The following AK5 variants were observed in gnomAD, a reference collection of about 807,000 sequenced individuals.
AK5 encodes the protein adenylate kinase isoenzyme 5.
A neutral mutation model predicts 69.5 loss-of-function variants in AK5; 27 were observed. That is an observed-to-expected ratio of 0.39 (90% CI 0.29 to 0.54). The LOEUF (loss-of-function observed/expected upper bound fraction) is 0.54. AK5 is among the 20% of genes least tolerant of loss of function. AK5 has a pLI of 0.71. For missense variants in AK5, 531 were observed against 700.4 expected (o/e 0.76, Z 2.73); for synonymous variants, 260 against 244.4 (o/e 1.06, Z -0.60).
Position 77,518,631 on chromosome 1 carries a change from C to T in AK5, c.1215C>T (p.Leu405=). The part of the protein sequence containing the change: ...KLVEKYGFTH[L]STGELLREEL... ...TGGAAAAATATGGATTTACACATCT[C>T]TCAACTGGCGAGCTCCTGCGTGAGG... Residue 405 remains leucine (L), a synonymous_variant, in exon 11 of 14, where the codon CTC becomes CTT. Transcript: ENST00000354567. 1 of 1,614,204 alleles carries T rather than the reference C, an allele frequency of 6.2e-7. No homozygotes were observed. The highest frequency in any genetic ancestry group is 8.5e-7 in the Non-Finnish European group (1 of 1,180,030).
At chr1:77,550,627 A>G (rs1379496695) in intron 13 of AK5, among the ~76,000 whole-genome samples, 2 of 152,236 alleles carry the variant, frequency 1.3e-5, no homozygotes, top group Non-Finnish European at 2.9e-5. Context: ...AAGCACGAAG[A>G]AAAGTTCCTG....
chr1:77,410,689 C>A (rs1297925518), intron 6 of AK5, among the ~76,000 whole-genome samples: 1 of 152,074 alleles, frequency 6.6e-6, no homozygotes, highest in Non-Finnish European at 1.5e-5. Context: ...AGTCAGAAAG[C>A]CACAAGATAA....
intron 11 of AK5, 45 bp from the exon 12 acceptor site, chr1:77,521,782 T>C (rs1457464812): frequency 1.4e-6 from 2 of 1,443,646 alleles, no homozygotes; most frequent in South Asian, 1.1e-5. Context: ...ACTTCTAGTG[T>C]TCTGTGAAAG....
At chr1:77,493,155 G>C (rs751745418) in intron 10 of AK5, among the ~76,000 whole-genome samples, 4 of 152,174 alleles carry the variant, frequency 2.6e-5, no homozygotes, top group Non-Finnish European at 5.9e-5. Context: ...TTCCAGAAGA[G>C]ATTGGCATTT....
At chr1:77,506,986 G>C (rs1349587659) in intron 10 of AK5, among the ~76,000 whole-genome samples, 1 of 151,766 alleles carries the variant, frequency 6.6e-6, no homozygotes, top group Non-Finnish European at 1.5e-5. Flanking sequence ...GTAAGAGGTT[G>C]AGACTCAGTC....
chr1:77,328,920 G>C (rs1233378290), intron 5 of AK5, among the ~76,000 whole-genome samples: 1 of 152,194 alleles, frequency 6.6e-6, no homozygotes, highest in Non-Finnish European at 1.5e-5. Flanking sequence ...AGCCTAAGAG[G>C]CTGTTGCCAG....
intron 6 of AK5, among the ~76,000 whole-genome samples, chr1:77,409,371 T>C (rs1649881964): frequency 6.6e-6 from 1 of 152,110 alleles, no homozygotes; most frequent in Non-Finnish European, 1.5e-5. Context: ...TAATTTACAC[T>C]CCCACCAACA....
intron 6 of AK5, among the ~76,000 whole-genome samples, chr1:77,381,125 T>C (rs1051120042): frequency 1.3e-5 from 2 of 152,210 alleles, no homozygotes; most frequent in Non-Finnish European, 2.9e-5. Flanking sequence ...ACCTAGCATG[T>C]AATGGAATTA....
intron 12 of AK5, among the ~76,000 whole-genome samples, chr1:77,530,691 GAGTCAAAT>G (rs1407972031): frequency 6.6e-6 from 1 of 152,130 alleles, no homozygotes; most frequent in African/African-American, 2.4e-5. Flanking sequence ...ATAGTCCTGT[GAGTCAAAT>G]ACTATTATTA....
At chr1:77,464,707 C>T (rs1373887402) in intron 8 of AK5, among the ~76,000 whole-genome samples, 4 of 151,996 alleles carry the variant, frequency 2.6e-5, no homozygotes, top group African/African-American at 7.2e-5. Flanking sequence ...GTGTAAAGTC[C>T]CTGGCAGCCT....
intron 13 of AK5, among the ~76,000 whole-genome samples, chr1:77,545,716 T>G (rs925690566): frequency 1.3e-5 from 2 of 152,212 alleles, no homozygotes; most frequent in African/African-American, 4.8e-5. Flanking sequence ...TCCTTGATGC[T>G]TAGCCTCTTT....
At chr1:77,336,272 G>A (rs990990897) in intron 5 of AK5, among the ~76,000 whole-genome samples, 2 of 151,934 alleles carry the variant, frequency 1.3e-5, no homozygotes, top group Non-Finnish European at 2.9e-5. Context: ...AGTGGAGACA[G>A]GGTTTCACCA....
chr1:77,464,829 C>T (rs1032377848), intron 8 of AK5, among the ~76,000 whole-genome samples: 1 of 151,770 alleles, frequency 6.6e-6, no homozygotes, highest in South Asian at 2.1e-4. Flanking sequence ...AATTATTAGG[C>T]CAAAAGAGAT....
intron 8 of AK5, among the ~76,000 whole-genome samples, chr1:77,482,818 A>G (rs564747080): frequency 1.3e-5 from 2 of 151,832 alleles, no homozygotes; most frequent in South Asian, 2.1e-4. Context: ...GTTGCTCACA[A>G]TGATGAAAAT....
At chr1:77,352,863 C>G (rs1430099822) in intron 6 of AK5, among the ~76,000 whole-genome samples, 1 of 152,096 alleles carries the variant, frequency 6.6e-6, no homozygotes. Flanking sequence ...TATTTGGCAG[C>G]TTCTGATAGG....
In AK5 at chr1:77,368,027, A is replaced by T. The variant is rs1323329636; in HGVS notation, c.891+27459A>T. 3.9e-5 allele frequency among the ~76,000 whole-genome samples: 5 copies of T among 129,702 alleles called. No individual in the cohort carries two copies. In the East Asian group the frequency reaches 1.1e-3, roughly 28 times the overall value. 85.1% of individuals were successfully genotyped at this position (129,702 alleles called of 152,430 possible). ...ATTCACAGGTAGACCGTTGACTTTT[A>T]ACAATGATGGGTGAAGGCTAATATG... On this transcript the variant is annotated intron_variant, in intron 6 of 13. Transcript: ENST00000354567.
intron 10 of AK5, among the ~76,000 whole-genome samples, chr1:77,491,463 C>T (rs1044931424): frequency 3.9e-5 from 6 of 152,082 alleles, no homozygotes; most frequent in South Asian, 2.1e-4. Flanking sequence ...CCTGCCATGG[C>T]GCCCGGCTAA....
At chr1:77,475,406 TG>T (rs5775404) in intron 8 of AK5, among the ~76,000 whole-genome samples, 49,357 of 69,926 alleles carry the variant, frequency 0.71, 14,718 homozygotes, top group Middle Eastern at 0.77. Context: ...ATAATATATA[TG>T]TATATATATA....
intron 13 of AK5, among the ~76,000 whole-genome samples, chr1:77,536,262 A>G (rs12095064): frequency 0.66 from 100,691 of 151,976 alleles, 34,539 homozygotes; most frequent in Non-Finnish European, 0.76. Context: ...GGAGTTCAAG[A>G]CCAGCCTAAG....
Sources: gnomAD v4.1 joint callset for allele counts (sites outside exome capture counted in the v4.1 genomes callset) on GRCh38, gnomAD v4.1.1 for gene constraint, MANE v1.5 for transcripts, NCBI Gene and HGNC (gene_info 2026-07-23, HGNC 2026-07-21) for gene names.